Variants in DSCAM observed in about 807,000 individuals in gnomAD.
DSCAM encodes DS cell adhesion molecule.
Under a neutral mutation model 217.7 loss-of-function variants are expected in DSCAM, and 47 were observed. The observed-to-expected ratio is 0.22, with a 90% CI of 0.17 to 0.28. DSCAM has a LOEUF of 0.28. DSCAM is among the 10% of genes least tolerant of loss of function. The pLI, the probability that DSCAM is intolerant of heterozygous loss-of-function variation, is 1.00. For missense variants in DSCAM, 2,080 were observed against 2,618.3 expected, an observed-to-expected ratio of 0.79 and a Z score of 4.49; for synonymous variants, 1,056 against 1,015.3, an observed-to-expected ratio of 1.04 and a Z score of -0.76.
intron 11 of DSCAM, among the ~76,000 whole-genome samples, chr21:40,221,387 C>A: frequency 6.7e-6 from 1 of 148,774 alleles, no homozygotes; most frequent in East Asian, 2.0e-4. Context: ...GTGTATAATA[C>A]ATATATGTAT....
intron 3 of DSCAM, among the ~76,000 whole-genome samples, chr21:40,409,993 G>A (rs527360862): frequency 4.6e-4 from 70 of 152,000 alleles, no homozygotes; most frequent in Non-Finnish European, 8.8e-5. Flanking sequence ...ATTATATAAA[G>A]CAAAATTATA....
chr21:40,519,866 G>A (rs866757006), intron 3 of DSCAM, among the ~76,000 whole-genome samples: 10 of 101,504 alleles, frequency 9.9e-5, no homozygotes, highest in African/African-American at 3.4e-4. Context: ...GTGTGTATGC[G>A]TGTGTGTGTG....
At chr21:40,214,528 CAAG>C (rs1435832933) in intron 11 of DSCAM, among the ~76,000 whole-genome samples, 2 of 151,318 alleles carry the variant, frequency 1.3e-5, no homozygotes, top group Non-Finnish European at 2.9e-5. Context: ...AACTTTTTTC[CAAG>C]AAGGAACACA....
At chr21:40,311,535 A>T (rs1324916753) in intron 9 of DSCAM, among the ~76,000 whole-genome samples, 1 of 152,210 alleles carries the variant, frequency 6.6e-6, no homozygotes, top group African/African-American at 2.4e-5. Context: ...ACTCTGCTTA[A>T]TTTTAAAACG....
intron 3 of DSCAM, among the ~76,000 whole-genome samples, chr21:40,436,850 ACAAT>A (rs10592124): frequency 0.72 from 108,811 of 151,594 alleles, 39,404 homozygotes; most frequent in Middle Eastern, 0.84. Flanking sequence ...TCTTGCTGAA[ACAAT>A]CAATTTATAG....
intron 1 of DSCAM, among the ~76,000 whole-genome samples, chr21:40,832,178 T>G (rs989681488): frequency 3.9e-5 from 6 of 152,250 alleles, no homozygotes; most frequent in African/African-American, 1.4e-4. Flanking sequence ...TGTGTGACCA[T>G]GAGCACATTG....
At chr21:40,256,532 T>C (rs1183423768) in intron 11 of DSCAM, among the ~76,000 whole-genome samples, 2 of 152,020 alleles carry the variant, frequency 1.3e-5, no homozygotes, top group African/African-American at 4.8e-5. Flanking sequence ...AGTCTAAAAT[T>C]TGCCGGGCCA....
At chr21:40,623,993 GGTTT>G (rs2089563054) in intron 3 of DSCAM, among the ~76,000 whole-genome samples, 1 of 152,112 alleles carries the variant, frequency 6.6e-6, no homozygotes. Flanking sequence ...TCAGAAGGTT[GGTTT>G]GTCTTTCAGT....
intron 3 of DSCAM, among the ~76,000 whole-genome samples, chr21:40,538,258 T>C (rs1001649240): frequency 3.3e-5 from 5 of 151,522 alleles, no homozygotes; most frequent in African/African-American, 1.2e-4. Context: ...TCATTTCCAG[T>C]TGAAAGAGAT....
chr21:40,154,953 C>T (rs2090460722), intron 16 of DSCAM, among the ~76,000 whole-genome samples: 1 of 152,074 alleles, frequency 6.6e-6, no homozygotes, highest in Non-Finnish European at 1.5e-5. Flanking sequence ...GACACAAATG[C>T]AGAATGCTAG....
At chr21:40,415,074 A>T (rs1485003365) in intron 3 of DSCAM, among the ~76,000 whole-genome samples, 1 of 152,254 alleles carries the variant, frequency 6.6e-6, no homozygotes, top group East Asian at 1.9e-4. Flanking sequence ...AGCCTGAGAA[A>T]AAAAGACCTG....
intron 1 of DSCAM, among the ~76,000 whole-genome samples, chr21:40,772,174 TTTTTTC>T (rs1469811142): frequency 2.4e-4 from 37 of 152,174 alleles, no homozygotes; most frequent in Admixed American, 6.5e-4. Context: ...TTGTTTCTGT[TTTTTTC>T]TTTTTGAGAT....
chr21:40,021,754 C>T (rs921765321), intron 32 of DSCAM, among the ~76,000 whole-genome samples: 1 of 152,174 alleles, frequency 6.6e-6, no homozygotes, highest in East Asian at 1.9e-4. Context: ...TCTCTAACCA[C>T]TTTGCATACT....
intron 3 of DSCAM, among the ~76,000 whole-genome samples, chr21:40,497,064 T>C (rs2076124565): frequency 6.6e-6 from 1 of 152,166 alleles, no homozygotes; most frequent in Non-Finnish European, 1.5e-5. Context: ...GGTACAGCCA[T>C]TTTTGGAAAC....
At chr21:40,687,161 A>G (rs2090488560) in intron 3 of DSCAM, among the ~76,000 whole-genome samples, 1 of 152,166 alleles carries the variant, frequency 6.6e-6, no homozygotes, top group African/African-American at 2.4e-5. Flanking sequence ...AGATGATAAC[A>G]GACAGAAAAA....
chr21:40,307,392 C>T (rs1482353143), intron 9 of DSCAM, among the ~76,000 whole-genome samples: 1 of 152,200 alleles, frequency 6.6e-6, no homozygotes, highest in Non-Finnish European at 1.5e-5. Context: ...GATACCATCT[C>T]ACACCAGTTA....
chr21:40,087,221 G>A lies in DSCAM; in HGVS notation c.3917C>T (p.Pro1306Leu). Residue 1306 changes from proline (P) to leucine (L), a missense_variant, in exon 22 of 33, where the codon CCT becomes CTT. Transcript: ENST00000400454. ...AGAAGGGTCCCCAACAGCCTTACAA[G>A]GCAAGACAATGTCTTTCATCCATGG... ...TTPWMKDIVLPCKAVGDPSPA... is the reference protein window; with the variant it reads ...TTPWMKDIVLLCKAVGDPSPA... The A allele has an allele frequency of 1.2e-6, 2 of 1,614,138 alleles. No homozygotes were observed. The highest frequency in any genetic ancestry group is 1.7e-4 in the Middle Eastern group (1 of 6,060).
intron 18 of DSCAM, among the ~76,000 whole-genome samples, chr21:40,134,241 G>A (rs1029512946): frequency 2.0e-5 from 3 of 152,052 alleles, no homozygotes; most frequent in Non-Finnish European, 4.4e-5. Flanking sequence ...AAGGCAGAAC[G>A]TTGGTCTGGA....
At chr21:40,055,980 A>G in intron 28 of DSCAM, 140 bp from the exon 29 acceptor site, 1 of 536,166 alleles carries the variant, frequency 1.9e-6, no homozygotes, top group Non-Finnish European at 3.4e-6. Flanking sequence ...CGTACATACT[A>G]TGAAAACGTT....
Sources: allele counts gnomAD v4.1 joint callset (sites outside exome capture counted in the v4.1 genomes callset), GRCh38; gene constraint gnomAD v4.1.1; transcripts MANE v1.5; gene names NCBI Gene and HGNC (gene_info 2026-07-23, HGNC 2026-07-21).